Variants in ENTPD1 observed in about 807,000 individuals in gnomAD.
ENTPD1 encodes ATP diphosphohydrolase.
ENTPD1 carries 33 observed loss-of-function variants against 57.0 expected under a neutral mutation model. The observed-to-expected ratio is 0.58, with a 90% CI of 0.44 to 0.77. The LOEUF (loss-of-function observed/expected upper bound fraction) is 0.77, where lower values mean the gene tolerates loss of function less well. ENTPD1 is among the 30% of genes least tolerant of loss of function. ENTPD1 has a pLI of 0.00. For missense variants in ENTPD1, 501 were observed against 603.4 expected, an observed-to-expected ratio of 0.83 and a Z score of 1.78; for synonymous variants, 202 against 218.8, an observed-to-expected ratio of 0.92 and a Z score of 0.68.
chr10:95,736,001 GTT>G (rs35402062), intron 1 of ENTPD1, among the ~76,000 whole-genome samples: 2 of 134,312 alleles, frequency 1.5e-5, no homozygotes, highest in Admixed American at 7.6e-5. Context: ...CATTTTCAAA[GTT>G]TTTTTTTTTT....
chr10:95,872,465 T>C lies in ENTPD1; in HGVS notation c.*6082T>C, dbSNP rs1282429312. ...TTGTCTTCTCAACTTGGAATACTCT[T>C]GCACCTTCAAAGCTCATTTCAAATG... On this transcript the variant is annotated 3_prime_UTR_variant, in exon 10 of 10. Coordinates refer to ENST00000371205, the MANE Select transcript of ENTPD1 (RefSeq NM_001776.6). 3 of 985,184 alleles carry C rather than the reference T, an allele frequency of 3.0e-6. No individual in the cohort carries two copies. In the Admixed American group the frequency reaches 1.8e-4, roughly 61 times the overall value. The allele number at this position is 985,184 out of a possible 1,614,324, so 61.0% of individuals were successfully genotyped here. A position where few individuals can be genotyped will look rare whatever the true frequency, so the allele number is the denominator to read the frequency against.
At chr10:95,847,340 CAA>C in intron 6 of ENTPD1, 104 bp from the exon 7 acceptor site, 1 of 1,338,118 alleles carries the variant, frequency 7.5e-7, no homozygotes, top group Non-Finnish European at 1.1e-6. Flanking sequence ...ATTCCAATAC[CAA>C]GTGGTGGGAT....
chr10:95,717,853 G>A (rs996290765), intron 1 of ENTPD1, among the ~76,000 whole-genome samples: 1 of 152,160 alleles, frequency 6.6e-6, no homozygotes, highest in Non-Finnish European at 1.5e-5. Flanking sequence ...CTAGCAGGCC[G>A]GTCCAGGGGT....
intron 1 of ENTPD1, among the ~76,000 whole-genome samples, chr10:95,793,335 G>GT (rs2098213258): frequency 6.6e-6 from 1 of 152,142 alleles, no homozygotes; most frequent in Non-Finnish European, 1.5e-5. Flanking sequence ...ATGTTGAGTT[G>GT]TTTATAAAAA....
upstream of ENTPD1, among the ~76,000 whole-genome samples, chr10:95,710,500 G>A (rs548792191): frequency 2.8e-5 from 4 of 143,390 alleles, no homozygotes; most frequent in East Asian, 1.9e-4. Context: ...TTGAATAAAC[G>A]GTGTCTACAT....
At chr10:95,790,566 T>A (rs1259862337) in intron 1 of ENTPD1, among the ~76,000 whole-genome samples, 1 of 152,218 alleles carries the variant, frequency 6.6e-6, no homozygotes, top group Non-Finnish European at 1.5e-5. Flanking sequence ...AACCACTGTA[T>A]ACTTATTACC....
chr10:95,823,408 A>G, intron 2 of ENTPD1, 44 bp downstream of exon 2: 1 of 1,612,230 alleles, frequency 6.2e-7, no homozygotes, highest in Non-Finnish European at 8.5e-7. Context: ...GTAAGAGGAG[A>G]TCTGGGTGGG....
chr10:95,849,878 G>T (rs1312127139), intron 7 of ENTPD1, among the ~76,000 whole-genome samples: 3 of 152,222 alleles, frequency 2.0e-5, no homozygotes, highest in Admixed American at 1.3e-4. Context: ...AGGAAGGAGG[G>T]TGCCACCTTG....
At chr10:95,811,921 T>C (rs2098310096) in intron 1 of ENTPD1, among the ~76,000 whole-genome samples, 1 of 152,192 alleles carries the variant, frequency 6.6e-6, no homozygotes. Flanking sequence ...CATAAGTATA[T>C]CAGCAGGTTA....
At chr10:95,698,028 G>A in the ENTPD1 span, among the ~76,000 whole-genome samples, 11 of 152,126 alleles carry the variant, frequency 7.2e-5, no homozygotes, top group African/African-American at 2.7e-4. Flanking sequence ...AAAAAGACAA[G>A]GGAACATTTG....
Position 95,871,684 on chromosome 10 carries a change from AT to A in ENTPD1, c.*5303del. 3.0e-6 allele frequency: 3 copies of A among 985,428 alleles called. No individual in the cohort carries two copies. The highest frequency in any genetic ancestry group is 3.6e-6 in the Non-Finnish European group (3 of 829,906). 61.0% of individuals were successfully genotyped at this position (985,428 alleles called of 1,614,324 possible). A position where few individuals can be genotyped will look rare whatever the true frequency, so the allele number is the denominator to read the frequency against. The stretch of plus-strand genomic sequence containing the variant: ...TTTTGCATTGCTCTATTTTACATAA[AT>A]TAAGTTATAAATTGACACTATAATC... On this transcript the variant is annotated 3_prime_UTR_variant, in exon 10 of 10. Coordinates refer to ENST00000371205, the MANE Select transcript of ENTPD1 (RefSeq NM_001776.6).
intron 1 of ENTPD1, among the ~76,000 whole-genome samples, chr10:95,721,747 G>C (rs2097977732): frequency 6.6e-6 from 1 of 151,862 alleles, no homozygotes. Flanking sequence ...ATTAGTGCTA[G>C]AGCGTCTTCT....
chr10:95,841,153 G>C (rs1394362557), intron 3 of ENTPD1, among the ~76,000 whole-genome samples: 1 of 152,158 alleles, frequency 6.6e-6, no homozygotes, highest in Admixed American at 6.6e-5. Context: ...TTGGGAGGCT[G>C]AGGTGGGCGG....
At chr10:95,805,122 C>CT (rs911641036) in intron 1 of ENTPD1, among the ~76,000 whole-genome samples, 3 of 152,090 alleles carry the variant, frequency 2.0e-5, no homozygotes, top group Admixed American at 2.0e-4. Flanking sequence ...GTGTGGGAGT[C>CT]TAAGTCTCTT....
intron 1 of ENTPD1, among the ~76,000 whole-genome samples, chr10:95,738,904 T>C (rs2097997373): frequency 6.6e-6 from 1 of 152,186 alleles, no homozygotes; most frequent in South Asian, 2.1e-4. Context: ...TTGGATTGTA[T>C]ACACAGGTAT....
chr10:95,839,213 A>G, intron 2 of ENTPD1: 1 of 180,886 alleles, frequency 5.5e-6, no homozygotes, highest in Non-Finnish European at 1.2e-5. Flanking sequence ...TCCAAAGCCC[A>G]GGACACAATA....
upstream of ENTPD1, among the ~76,000 whole-genome samples, chr10:95,709,629 C>T (rs926152429): frequency 2.6e-5 from 4 of 152,160 alleles, no homozygotes; most frequent in Admixed American, 1.3e-4. Context: ...GGCAATCCGC[C>T]GGCCTTGGCC....
chr10:95,799,749 C>G (rs372194512), intron 1 of ENTPD1, among the ~76,000 whole-genome samples: 17 of 152,248 alleles, frequency 1.1e-4, no homozygotes, highest in African/African-American at 4.1e-4. Context: ...TTTACACTAC[C>G]ACCAATTGTG....
rs532818657 is a variant in ENTPD1 at position 95,868,843 on chromosome 10, C to T, written c.*2460C>T. 4.1e-6 allele frequency: 4 copies of T among 985,338 alleles called. No individual in the cohort carries two copies. In the East Asian group the frequency reaches 4.5e-4, roughly 112 times the overall value. 61.0% of individuals were successfully genotyped at this position (985,338 alleles called of 1,614,324 possible). The stretch of plus-strand genomic sequence containing the variant: ...CTGTTTGGTTGCCTACGTCCAATCT[C>T]CCCCTCCCCAGAGATGCCAAAAAAA... On this transcript the variant is annotated 3_prime_UTR_variant, in exon 10 of 10. Transcript: ENST00000371205.
Sources: allele counts gnomAD v4.1 joint callset (sites outside exome capture counted in the v4.1 genomes callset), GRCh38; gene constraint gnomAD v4.1.1; transcripts MANE v1.5; gene names NCBI Gene and HGNC (gene_info 2026-07-23, HGNC 2026-07-21).